The following DPYSL3 variants were observed in gnomAD, a reference collection of about 807,000 sequenced individuals.
DPYSL3 encodes the protein dihydropyrimidinase-related protein 3.
In DPYSL3, 16 loss-of-function variants were observed where a neutral mutation model predicts 66.1. The ratio of observed to expected loss-of-function variants is 0.24; its 90% confidence interval spans 0.16 to 0.37. The LOEUF (loss-of-function observed/expected upper bound fraction) is 0.37. Among genes scored for constraint, DPYSL3 ranks in the 10% least tolerant of loss-of-function variants. The pLI is 1.00. For synonymous variants in DPYSL3, 338 were observed against 345.1 expected (o/e 0.98, Z 0.23); for missense variants, 738 against 916.2 (o/e 0.81, Z 2.51).
chr5:147,476,118 G>C (rs1008628329), intron 1 of DPYSL3, among the ~76,000 whole-genome samples: 2 of 152,106 alleles, frequency 1.3e-5, no homozygotes, highest in Admixed American at 6.5e-5. Context: ...GGTAGAGCTA[G>C]AGCTGGACTT....
chr5:147,428,895 C>A (rs567661128), intron 1 of DPYSL3, among the ~76,000 whole-genome samples: 164 of 152,184 alleles, frequency 1.1e-3, no homozygotes, highest in African/African-American at 3.8e-3. Context: ...ATGCAGCAAA[C>A]CACCATGGCA....
At chr5:147,443,027 T>C (rs1234711064) in intron 1 of DPYSL3, among the ~76,000 whole-genome samples, 2 of 152,226 alleles carry the variant, frequency 1.3e-5, no homozygotes, top group Non-Finnish European at 2.9e-5. Context: ...TGTCCCACAG[T>C]AAAACAGATA....
chr5:147,441,299 G>A (rs1388290922), intron 1 of DPYSL3, among the ~76,000 whole-genome samples: 1 of 151,450 alleles, frequency 6.6e-6, no homozygotes, highest in African/African-American at 2.4e-5. Flanking sequence ...AGCAGGCTTG[G>A]TTTCTTCTGA....
chr5:147,474,662 G>C (rs533452831), intron 1 of DPYSL3, among the ~76,000 whole-genome samples: 1 of 151,994 alleles, frequency 6.6e-6, no homozygotes, highest in Non-Finnish European at 1.5e-5. Context: ...AGAAAGCACT[G>C]TACATAATGC....
chr5:147,429,301 T>C (rs547913172), intron 1 of DPYSL3, among the ~76,000 whole-genome samples: 2 of 152,276 alleles, frequency 1.3e-5, no homozygotes, highest in East Asian at 3.9e-4. Context: ...GTTCTAGGCA[T>C]ACCAGCTGGC....
At chr5:147,488,517 T>C (rs1753369471) in intron 1 of DPYSL3, among the ~76,000 whole-genome samples, 2 of 152,230 alleles carry the variant, frequency 1.3e-5, no homozygotes, top group East Asian at 3.9e-4. Flanking sequence ...AAATTATCAT[T>C]ACCAGCCTGG....
At chr5:147,476,618 T>G (rs1753159343) in intron 1 of DPYSL3, among the ~76,000 whole-genome samples, 1 of 152,118 alleles carries the variant, frequency 6.6e-6, no homozygotes, top group South Asian at 2.1e-4. Flanking sequence ...CCATGTAAAT[T>G]TTGGTCTCTC....
intron 1 of DPYSL3, chr5:147,453,787 C>T (rs1464034064): frequency 1.6e-6 from 2 of 1,278,374 alleles, no homozygotes; most frequent in Non-Finnish European, 2.0e-6. Context: ...TCCCCGGTCC[C>T]CCTTTCACCC....
intron 1 of DPYSL3, among the ~76,000 whole-genome samples, chr5:147,503,575 A>C (rs939111225): frequency 6.6e-6 from 1 of 152,242 alleles, no homozygotes; most frequent in African/African-American, 2.4e-5. Context: ...TACAGGCATG[A>C]GCCACAATGC....
intron 1 of DPYSL3, among the ~76,000 whole-genome samples, chr5:147,433,196 G>A (rs1752345898): frequency 6.6e-6 from 1 of 152,200 alleles, no homozygotes; most frequent in Non-Finnish European, 1.5e-5. Context: ...ACATGGGCCT[G>A]TGAGAAGCAA....
Position 147,405,654 on chromosome 5 carries a change from A to G in DPYSL3, c.1109T>C (p.Met370Thr), listed in dbSNP as rs1347872582. 6.2e-7 allele frequency: 1 copy of G among 1,614,036 alleles called. No homozygotes were observed. The highest frequency in any genetic ancestry group is 8.5e-7 in the Non-Finnish European group (1 of 1,179,942). The change falls in exon 8 of 14, where the codon ATG (methionine) becomes ACG (threonine). Residue 370 changes from methionine (M) to threonine (T), a missense_variant. Transcript: ENST00000343218. The part of the protein sequence containing the change: ...TNCPLYVTKV[M>T]SKSAADLISQ... ...GATGAGGTCAGCTGCACTCTTGCTC[A>G]TGACCTTTGTGACGTAGAGAGGGCA...
At chr5:147,471,990 T>C (rs1753093286) in intron 1 of DPYSL3, among the ~76,000 whole-genome samples, 1 of 152,192 alleles carries the variant, frequency 6.6e-6, no homozygotes, top group Non-Finnish European at 1.5e-5. Flanking sequence ...TACACGAGCT[T>C]CATTCTTCTT....
At chr5:147,397,952 G>T in intron 11 of DPYSL3, 107 bp from the exon 12 acceptor site, 1 of 1,182,596 alleles carries the variant, frequency 8.5e-7, no homozygotes, top group Non-Finnish European at 1.1e-6. Flanking sequence ...CACCAGGTAA[G>T]CCAGGAAAAG....
chr5:147,493,504 G>A (rs531747796), intron 1 of DPYSL3, among the ~76,000 whole-genome samples: 1 of 152,134 alleles, frequency 6.6e-6, no homozygotes, highest in South Asian at 2.1e-4. Context: ...TTGGGCCTAG[G>A]AAGTCACAGC....
At chr5:147,484,482 G>A (rs1243317734) in intron 1 of DPYSL3, among the ~76,000 whole-genome samples, 1 of 152,172 alleles carries the variant, frequency 6.6e-6, no homozygotes, top group African/African-American at 2.4e-5. Context: ...AACAACCTAC[G>A]TCCTTAGAGA....
At chr5:147,476,583 G>A (rs1023721636) in intron 1 of DPYSL3, among the ~76,000 whole-genome samples, 2 of 152,142 alleles carry the variant, frequency 1.3e-5, no homozygotes, top group Non-Finnish European at 2.9e-5. Flanking sequence ...CCATATCAAA[G>A]GGGGAGGAAT....
chr5:147,476,996 TA>T (rs368134601), intron 1 of DPYSL3, among the ~76,000 whole-genome samples: 14 of 152,254 alleles, frequency 9.2e-5, no homozygotes, highest in African/African-American at 3.4e-4. Context: ...CAGACACATT[TA>T]AAAAATCTAC....
At chr5:147,483,607 A>G (rs550760395) in intron 1 of DPYSL3, among the ~76,000 whole-genome samples, 1 of 152,330 alleles carries the variant, frequency 6.6e-6, no homozygotes, top group East Asian at 1.9e-4. Flanking sequence ...AGCATTTACT[A>G]TGAGTCAACC....
At chr5:147,426,541 T>C (rs1752201770) in intron 1 of DPYSL3, among the ~76,000 whole-genome samples, 1 of 152,158 alleles carries the variant, frequency 6.6e-6, no homozygotes. Flanking sequence ...CCATGGCTAT[T>C]TGACTATGAG....
Sources: allele counts gnomAD v4.1 joint callset (sites outside exome capture counted in the v4.1 genomes callset), GRCh38; gene constraint gnomAD v4.1.1; transcripts MANE v1.5; gene names NCBI Gene and HGNC (gene_info 2026-07-23, HGNC 2026-07-21).